Variants in FYN observed in about 807,000 individuals in gnomAD.
FYN encodes FYN proto-oncogene, Src family tyrosine kinase.
A neutral mutation model predicts 70.2 loss-of-function variants in FYN; 10 were observed. The observed-to-expected ratio is 0.14, with a 90% CI of 0.09 to 0.24. The LOEUF (loss-of-function observed/expected upper bound fraction) is 0.24, where lower values mean the gene tolerates loss of function less well. FYN is among the 10% of genes least tolerant of loss of function. The pLI is 1.00. For missense variants in FYN, 319 were observed against 673.1 expected (o/e 0.47, Z 5.82); for synonymous variants, 236 against 248.6 (o/e 0.95, Z 0.48).
chr6:111,707,901 T>C (rs1438328461), intron 6 of FYN, 21 bp downstream of exon 6: 1 of 1,582,876 alleles, frequency 6.3e-7, no homozygotes, highest in Non-Finnish European at 8.7e-7. Context: ...AGTAGTTAAG[T>C]GAAAACAAAA....
intron 2 of FYN, among the ~76,000 whole-genome samples, chr6:111,787,330 C>T (rs967878210): frequency 6.6e-6 from 1 of 152,158 alleles, no homozygotes; most frequent in Non-Finnish European, 1.5e-5. Context: ...GGAATCCTTT[C>T]CCCATTTCTT....
intron 1 of FYN, among the ~76,000 whole-genome samples, chr6:111,853,569 C>A (rs1773744921): frequency 6.6e-6 from 1 of 152,118 alleles, no homozygotes; most frequent in African/African-American, 2.4e-5. Flanking sequence ...CTAATTGCGA[C>A]AGGATGACAT....
intron 12 of FYN, among the ~76,000 whole-genome samples, chr6:111,686,893 C>T (rs1336495894): frequency 1.3e-5 from 2 of 150,880 alleles, no homozygotes; most frequent in Admixed American, 1.3e-4. Context: ...GTCTAATAAT[C>T]CCCAGTCGTT....
rs780676443 is a variant in FYN, at chr6:111,674,529, G to C, written c.1375C>G (p.Leu459Val). 3 of 1,613,896 alleles carry C rather than the reference G, an allele frequency of 1.9e-6. No homozygotes were observed. Among genetic ancestry groups the C allele is most frequent in the Non-Finnish European group, 1.7e-6 (2 of 1,179,860 alleles). The change falls in exon 13 of 14, where the codon CTG (leucine) becomes GTG (valine). Residue 459 changes from leucine (L) to valine (V), a missense_variant. Physicochemically the swap from Leu to Val is conservative, Grantham distance 32. Transcript: ENST00000354650. ...TATGGCACTCTTCCTTTGGTGACCA[G>C]CTCTGTGAGTAAGATTCCAAAAGAC... ...VWSFGILLTE[L>V]VTKGRVPYPG...
chr6:111,672,457 C>A (rs1329023514), intron 13 of FYN, among the ~76,000 whole-genome samples: 2 of 152,218 alleles, frequency 1.3e-5, no homozygotes, highest in African/African-American at 4.8e-5. Context: ...CCTCTCAGGA[C>A]CTGCTGTGTG....
intron 12 of FYN, among the ~76,000 whole-genome samples, chr6:111,683,166 G>A (rs887997627): frequency 6.6e-6 from 1 of 152,170 alleles, no homozygotes; most frequent in African/African-American, 2.4e-5. Context: ...CAGACTTCAC[G>A]GGCAAACCCA....
chr6:111,670,129 C>T (rs1447030797), intron 13 of FYN, among the ~76,000 whole-genome samples: 1 of 152,100 alleles, frequency 6.6e-6, no homozygotes, highest in Non-Finnish European at 1.5e-5. Context: ...GCTCAAATCC[C>T]CTCACTTCCC....
chr6:111,671,220 T>C lies in FYN; in HGVS notation c.1405+3279A>G, dbSNP rs534325313. ...TTCCAGGTTATCATTCAGTTTGAGA[T>C]TGTCGTCTTCCCTTCTTTTGTCCAC... On this transcript the variant is annotated intron_variant, in intron 13 of 13. Coordinates refer to ENST00000354650, the MANE Select transcript of FYN (RefSeq NM_002037.5). 5.3e-5 allele frequency among the ~76,000 whole-genome samples: 8 copies of C among 152,300 alleles called. No homozygotes were observed. In the South Asian group the frequency reaches 6.2e-4, roughly 12 times the overall value.
chr6:111,751,200 T>A (rs1324742848), intron 3 of FYN, among the ~76,000 whole-genome samples: 1 of 152,194 alleles, frequency 6.6e-6, no homozygotes, highest in Non-Finnish European at 1.5e-5. Flanking sequence ...ATAACACGCA[T>A]TAGTCCATTT....
At chr6:111,806,963 C>T (rs184234519) in intron 2 of FYN, among the ~76,000 whole-genome samples, 80 of 152,194 alleles carry the variant, frequency 5.3e-4, no homozygotes, top group African/African-American at 1.8e-3. Context: ...TCATGTCTTC[C>T]GGACCCCAGC....
At chr6:111,728,232 G>A (rs1453289324) in intron 3 of FYN, among the ~76,000 whole-genome samples, 1 of 152,186 alleles carries the variant, frequency 6.6e-6, no homozygotes, top group Non-Finnish European at 1.5e-5. Context: ...AAAGGTTTCA[G>A]AAAGAATTAG....
At chr6:111,740,431 A>G (rs1047620092) in intron 3 of FYN, among the ~76,000 whole-genome samples, 3 of 152,238 alleles carry the variant, frequency 2.0e-5, no homozygotes, top group African/African-American at 4.8e-5. Flanking sequence ...AACAATCCTG[A>G]AAGATATTAA....
intron 2 of FYN, among the ~76,000 whole-genome samples, chr6:111,808,263 C>G (rs1772214918): frequency 6.6e-6 from 1 of 152,192 alleles, no homozygotes; most frequent in Non-Finnish European, 1.5e-5. Context: ...AGGTGGCACC[C>G]TCAAATTATC....
rs767813204 is a variant in FYN, at chr6:111,804,024, G to C, written c.-81-23389C>G. 3.9e-5 allele frequency among the ~76,000 whole-genome samples: 6 copies of C among 152,186 alleles called. No homozygotes were observed. In the East Asian group the frequency reaches 1.2e-3, roughly 29 times the overall value. On this transcript the variant is annotated intron_variant, in intron 2 of 13. Coordinates refer to ENST00000354650, the MANE Select transcript of FYN (RefSeq NM_002037.5). Reference sequence around the variant, plus strand: ...ATGGTTTCCCACGTGCTAATTGACTGCGGGGATGAGACAGTGTGGATACAG... The same window carrying C: ...ATGGTTTCCCACGTGCTAATTGACTCCGGGGATGAGACAGTGTGGATACAG...
chr6:111,700,408 T>C (rs1261675305), intron 8 of FYN, 140 bp from the exon 9 acceptor site: 1 of 755,146 alleles, frequency 1.3e-6, no homozygotes, highest in African/African-American at 1.7e-5. Flanking sequence ...ACCACACACA[T>C]CGTGGAACAC....
intron 2 of FYN, among the ~76,000 whole-genome samples, chr6:111,785,266 A>T (rs1466013022): frequency 6.6e-6 from 1 of 152,140 alleles, no homozygotes; most frequent in Non-Finnish European, 1.5e-5. Context: ...ACATCTCTAG[A>T]TCTATCTCCC....
intron 3 of FYN, among the ~76,000 whole-genome samples, chr6:111,731,546 T>A (rs1801453598): frequency 6.6e-6 from 1 of 152,214 alleles, no homozygotes; most frequent in Non-Finnish European, 1.5e-5. Flanking sequence ...TGGGTCTTTG[T>A]GTTGGCACTT....
At chr6:111,764,233 G>GAAAAAAAAAAAAAAA (rs1441217283) in intron 3 of FYN, among the ~76,000 whole-genome samples, 1 of 71,698 alleles carries the variant, frequency 1.4e-5, no homozygotes, top group Non-Finnish European at 2.8e-5. Flanking sequence ...AAAAAAAAAA[G>GAAAAAAAAAAAAAAA]AAAAGAAAAA....
intron 1 of FYN, among the ~76,000 whole-genome samples, chr6:111,870,211 G>A (rs1267223866): frequency 2.0e-5 from 3 of 152,132 alleles, no homozygotes; most frequent in Non-Finnish European, 4.4e-5. Context: ...CCAGGCTAAG[G>A]TATTTTAAAA....
Sources: gnomAD v4.1 joint callset for allele counts (sites outside exome capture counted in the v4.1 genomes callset) on GRCh38, gnomAD v4.1.1 for gene constraint, MANE v1.5 for transcripts, NCBI Gene and HGNC (gene_info 2026-07-23, HGNC 2026-07-21) for gene names.